Variants in PALLD observed in about 807,000 individuals in gnomAD.
The protein encoded by PALLD is palladin, cytoskeletal associated protein, also known as palladin.
In PALLD, 61 loss-of-function variants were observed where a neutral mutation model predicts 123.5. That is an observed-to-expected ratio of 0.49 (90% CI 0.40 to 0.61). The LOEUF (loss-of-function observed/expected upper bound fraction) is 0.61, where lower values mean the gene tolerates loss of function less well. Among genes scored for constraint, PALLD ranks in the 20% least tolerant of loss-of-function variants. The pLI is 0.00. For missense variants in PALLD, 1,273 were observed against 1,377.0 expected, an observed-to-expected ratio of 0.92 and a Z score of 1.20; for synonymous variants, 465 against 496.4, an observed-to-expected ratio of 0.94 and a Z score of 0.84.
intron 2 of PALLD, among the ~76,000 whole-genome samples, chr4:168,514,437 T>C (rs540810707): frequency 6.6e-6 from 1 of 152,296 alleles, no homozygotes; most frequent in South Asian, 2.1e-4. Context: ...TTTACAGTAA[T>C]TTTACTATAA....
chr4:168,550,852 T>G (rs1000844333), intron 2 of PALLD, among the ~76,000 whole-genome samples: 6 of 152,254 alleles, frequency 3.9e-5, no homozygotes, highest in African/African-American at 1.4e-4. Context: ...TTCATTGAAC[T>G]GTAATGTTTT....
At chr4:168,735,189 TA>T (rs772602391) in intron 10 of PALLD, among the ~76,000 whole-genome samples, 3 of 152,258 alleles carry the variant, frequency 2.0e-5, no homozygotes, top group East Asian at 3.9e-4. Context: ...GTTCAAAAGT[TA>T]TGTGCTGTCC....
chr4:168,604,838 A>G (rs576601891), intron 2 of PALLD, among the ~76,000 whole-genome samples: 1 of 152,356 alleles, frequency 6.6e-6, no homozygotes, highest in Non-Finnish European at 1.5e-5. Flanking sequence ...TGTGTTAAAT[A>G]GAGGGTAAGA....
chr4:168,716,859 T>G (rs1415540658), intron 10 of PALLD, among the ~76,000 whole-genome samples: 1 of 152,198 alleles, frequency 6.6e-6, no homozygotes, highest in African/African-American at 2.4e-5. Context: ...ATTTGGAAAT[T>G]CCTGATGGGT....
intron 2 of PALLD, among the ~76,000 whole-genome samples, chr4:168,595,945 G>GA (rs530008801): frequency 0.03 from 3,396 of 114,206 alleles, 96 homozygotes; most frequent in African/African-American, 0.09. Flanking sequence ...AATTGAAAAG[G>GA]AAAAAAAAAA....
chr4:168,600,030 C>CACATAT (rs1561290979), intron 2 of PALLD, among the ~76,000 whole-genome samples: 3 of 144,824 alleles, frequency 2.1e-5, no homozygotes, highest in African/African-American at 8.0e-5. Flanking sequence ...TGTACACACA[C>CACATAT]ATACATACAT....
chr4:168,733,740 T>C (rs1258685572), intron 10 of PALLD, among the ~76,000 whole-genome samples: 3 of 151,826 alleles, frequency 2.0e-5, no homozygotes, highest in Non-Finnish European at 4.4e-5. Flanking sequence ...GTTGGTTTTG[T>C]TTTATTTTTT....
chr4:168,715,806 C>T (rs999419551), intron 10 of PALLD, among the ~76,000 whole-genome samples: 2 of 152,072 alleles, frequency 1.3e-5, no homozygotes, highest in East Asian at 1.9e-4. Context: ...AAAAATTAGC[C>T]GGGCGTGGTG....
chr4:168,600,030 C>CATAT (rs149735380), intron 2 of PALLD, among the ~76,000 whole-genome samples: 70 of 144,918 alleles, frequency 4.8e-4, no homozygotes, highest in South Asian at 1.1e-3. Flanking sequence ...TGTACACACA[C>CATAT]ATACATACAT....
chr4:168,581,950 G>A (rs1017626415), intron 2 of PALLD, among the ~76,000 whole-genome samples: 2 of 151,996 alleles, frequency 1.3e-5, no homozygotes, highest in African/African-American at 4.8e-5. Flanking sequence ...TGAGGTAAGG[G>A]TCTACTTTCC....
intron 2 of PALLD, among the ~76,000 whole-genome samples, chr4:168,625,426 A>C (rs1212664396): frequency 7.3e-6 from 1 of 137,766 alleles, no homozygotes; most frequent in Non-Finnish European, 1.6e-5. Context: ...CAAAATCAAC[A>C]GAGTGAAAGG....
At chr4:168,825,858 T>C (rs796596697) in intron 10 of PALLD, among the ~76,000 whole-genome samples, 7 of 152,302 alleles carry the variant, frequency 4.6e-5, no homozygotes, top group African/African-American at 9.6e-5. Context: ...GTAATATTAA[T>C]AGTATTAAAA....
At chr4:168,560,536 C>A (rs1203670274) in intron 2 of PALLD, among the ~76,000 whole-genome samples, 1 of 152,154 alleles carries the variant, frequency 6.6e-6, no homozygotes, top group African/African-American at 2.4e-5. Context: ...GTATGAGTAT[C>A]AAGAAATTAC....
At chr4:168,721,336 C>G (rs1305828163) in intron 10 of PALLD, among the ~76,000 whole-genome samples, 11 of 151,790 alleles carry the variant, frequency 7.2e-5, no homozygotes, top group Admixed American at 4.6e-4. Context: ...AAGATGGAGC[C>G]ACATATGAAC....
chr4:168,892,488 G>A (rs1314573428), intron 11 of PALLD, among the ~76,000 whole-genome samples: 1 of 152,108 alleles, frequency 6.6e-6, no homozygotes, highest in Non-Finnish European at 1.5e-5. Context: ...GTTTATTAGG[G>A]TATCTTAATC....
At chr4:168,645,209 C>T (rs1316899506) in intron 2 of PALLD, among the ~76,000 whole-genome samples, 10 of 151,964 alleles carry the variant, frequency 6.6e-5, no homozygotes, top group African/African-American at 9.7e-5. Context: ...TATCCCAATC[C>T]GTAAAATGAA....
rs1560894892 is a variant in PALLD at position 168,905,138 on chromosome 4, G to GTTTTTTGTTTTT, written c.2622+1238_2622+1239insGTTTTTTTTTTT. ...TGAGACTTTGTTTTTTGTTTTGTTG[G>GTTTTTTGTTTTT]TTTTTTTTTTTTTTTTTTTTTTTTT... On this transcript the variant is annotated intron_variant, in intron 15 of 21. Transcript: ENST00000505667. 1.4e-4 allele frequency among the ~76,000 whole-genome samples: 5 copies of GTTTTTTGTTTTT among 34,540 alleles called. 1 individual carries two copies. Among genetic ancestry groups the GTTTTTTGTTTTT allele is most frequent in the Non-Finnish European group, 3.5e-4 (5 of 14,186 alleles). 22.7% of individuals were successfully genotyped at this position (34,540 alleles called of 152,430 possible). A position where few individuals can be genotyped will look rare whatever the true frequency, so the allele number is the denominator to read the frequency against.
At position 168,678,947 on chromosome 4, in the gene PALLD, GGT is replaced by G. The variant is rs990376507; in HGVS notation, c.1088-2375_1088-2374del. ...GCAGTGGGTGTGGCAGGGTGTGTGT[GGT>G]GTGTGTGTGGGTGTGATGTGTGTGG... On this transcript the variant is annotated intron_variant, in intron 3 of 21. Coordinates refer to ENST00000505667, the MANE Select transcript of PALLD (RefSeq NM_001166108.2). 2.3e-4 allele frequency among the ~76,000 whole-genome samples: 34 copies of G among 147,488 alleles called. No individual in the cohort carries two copies. In the South Asian group the frequency reaches 3.2e-3, roughly 14 times the overall value.
intron 10 of PALLD, among the ~76,000 whole-genome samples, chr4:168,824,658 G>GT (rs1329305363): frequency 1.3e-5 from 2 of 150,942 alleles, no homozygotes; most frequent in Non-Finnish European, 2.9e-5. Flanking sequence ...GAAATCTTGG[G>GT]TAAAAAAAAA....
Sources: gnomAD v4.1 joint callset for allele counts (sites outside exome capture counted in the v4.1 genomes callset) on GRCh38, gnomAD v4.1.1 for gene constraint, MANE v1.5 for transcripts, NCBI Gene and HGNC (gene_info 2026-07-23, HGNC 2026-07-21) for gene names.